GLB1: variants seen among roughly 807,000 people sequenced by gnomAD.
GLB1 encodes the protein beta-galactosidase.
A neutral mutation model predicts 74.0 loss-of-function variants in GLB1; 56 were observed. The observed-to-expected ratio is 0.76, with a 90% CI of 0.61 to 0.94. The LOEUF is 0.94. Among genes scored for constraint, GLB1 ranks in the 40% least tolerant of loss-of-function variants. GLB1 has a pLI of 0.00. For synonymous variants in GLB1, 323 were observed against 323.6 expected, an observed-to-expected ratio of 1.00 and a Z score of 0.02; for missense variants, 787 against 845.5, an observed-to-expected ratio of 0.93 and a Z score of 0.86.
chr3:33,017,640 T>C (rs942593443), intron 13 of GLB1, among the ~76,000 whole-genome samples: 2 of 152,242 alleles, frequency 1.3e-5, no homozygotes, highest in Non-Finnish European at 2.9e-5. Flanking sequence ...GAAATGCATC[T>C]GCTTTTGTTA....
intron 2 of GLB1, among the ~76,000 whole-genome samples, chr3:33,070,756 G>C (rs1012718710): frequency 1.3e-5 from 2 of 152,084 alleles, no homozygotes; most frequent in African/African-American, 2.4e-5. Context: ...GGCTGAGGTG[G>C]GAGGATCACC....
intron 13 of GLB1, among the ~76,000 whole-genome samples, 172 bp downstream of exon 13, chr3:33,018,276 A>C (rs532714594): frequency 1.7e-5 from 2 of 116,808 alleles, no homozygotes; most frequent in African/African-American, 6.7e-5. Context: ...ACAGAGCAAA[A>C]CCCTGTCTCA....
In GLB1 at chr3:32,997,040, C is replaced by T; in HGVS notation, c.*5G>A. On this transcript the variant is annotated 3_prime_UTR_variant, in exon 16 of 16. Coordinates refer to ENST00000307363, the MANE Select transcript of GLB1 (RefSeq NM_000404.4). ...AGAATCCCTCAAAGACACAGGCTTT[C>T]ATCATCATACATGGTCCAGCCATGA... 1 of 1,614,142 alleles carries T rather than the reference C, an allele frequency of 6.2e-7. No homozygotes were observed. Among genetic ancestry groups the T allele is most frequent in the Non-Finnish European group, 8.5e-7 (1 of 1,180,030 alleles).
intron 10 of GLB1, chr3:33,034,076 A>C: frequency 3.6e-6 from 2 of 557,440 alleles, no homozygotes; most frequent in Non-Finnish European, 3.5e-6. Context: ...CACATATGGC[A>C]ATATCCTGGC....
At chr3:33,096,747 G>A in intron 1 of GLB1, 2 of 1,306,400 alleles carry the variant, frequency 1.5e-6, no homozygotes, top group Non-Finnish European at 9.7e-7. Flanking sequence ...TACAGATGGG[G>A]AAGTGGATCC....
rs929129635 is a variant in GLB1, at chr3:33,014,315, A to G, written c.1480-5T>C. 3.7e-6 allele frequency: 6 copies of G among 1,613,536 alleles called. No homozygotes were observed. In the African/African-American group the frequency reaches 6.7e-5, roughly 18 times the overall value. On this transcript the variant is annotated splice_region_variant and splice_polypyrimidine_tract_variant and intron_variant, in intron 14 of 15. Coordinates refer to ENST00000307363, the MANE Select transcript of GLB1 (RefSeq NM_000404.4). ...AGTCAGGTTAGAAACCAAACCCTGC[A>G]AAGCAGAAACAGAGCACAGTGAGCT... is the stretch of plus-strand genomic sequence containing the variant.
the GLB1 span, among the ~76,000 whole-genome samples, chr3:32,990,698 G>A: frequency 6.6e-6 from 1 of 152,198 alleles, no homozygotes; most frequent in Non-Finnish European, 1.5e-5. Context: ...TTGCAGTCGG[G>A]CGCGGTGGCT....
chr3:33,065,238 T>C (rs952421655), intron 5 of GLB1, among the ~76,000 whole-genome samples: 26 of 152,166 alleles, frequency 1.7e-4, no homozygotes, highest in African/African-American at 5.1e-4. Context: ...GTTGGAAGAA[T>C]TGAATAGCAT....
At chr3:33,003,664 A>G (rs1696669087) in intron 15 of GLB1, among the ~76,000 whole-genome samples, 1 of 152,246 alleles carries the variant, frequency 6.6e-6, no homozygotes. Flanking sequence ...GGATGAAAGT[A>G]GGGTCCAATA....
the GLB1 span, among the ~76,000 whole-genome samples, chr3:32,982,515 A>C: frequency 3.1e-4 from 47 of 152,174 alleles, no homozygotes; most frequent in Middle Eastern, 3.4e-3. Flanking sequence ...AACAAAAAAA[A>C]CCACAAAGAC....
chr3:33,002,058 C>G (rs1414949145), intron 15 of GLB1, among the ~76,000 whole-genome samples: 1 of 151,194 alleles, frequency 6.6e-6, no homozygotes, highest in Non-Finnish European at 1.5e-5. Context: ...TTAATGAAGT[C>G]AGCCCCATGG....
At chr3:32,982,597 T>A in the GLB1 span, among the ~76,000 whole-genome samples, 1 of 152,192 alleles carries the variant, frequency 6.6e-6, no homozygotes. Context: ...TTACAAGTTG[T>A]AATTTATGCA....
the GLB1 span, among the ~76,000 whole-genome samples, chr3:32,977,132 G>A: frequency 6.6e-6 from 1 of 152,114 alleles, no homozygotes; most frequent in African/African-American, 2.4e-5. Context: ...TGTCTAGACT[G>A]AGGAAACCAT....
the GLB1 span, among the ~76,000 whole-genome samples, chr3:32,977,207 G>T: frequency 8.1e-6 from 1 of 122,718 alleles, no homozygotes; most frequent in African/African-American, 2.7e-5. Flanking sequence ...ACCTCATCTA[G>T]ATTTTTTTTT....
chr3:33,018,935 G>C (rs1697356938), intron 12 of GLB1, among the ~76,000 whole-genome samples: 1 of 152,104 alleles, frequency 6.6e-6, no homozygotes, highest in South Asian at 2.1e-4. Context: ...AAAAAAACAA[G>C]GCAAACAAAC....
the GLB1 span, among the ~76,000 whole-genome samples, chr3:32,985,572 GTTAGC>G: frequency 6.6e-6 from 1 of 152,098 alleles, no homozygotes; most frequent in Non-Finnish European, 1.5e-5. Context: ...GATTACAGGT[GTTAGC>G]TACTATGCCC....
intron 5 of GLB1, among the ~76,000 whole-genome samples, chr3:33,064,364 T>C (rs1375071270): frequency 7.1e-6 from 1 of 141,120 alleles, no homozygotes; most frequent in African/African-American, 2.7e-5. Context: ...CGCCTGAACC[T>C]GGGAGGCAGA....
At chr3:33,084,356 A>T (rs1255628457) in intron 1 of GLB1, among the ~76,000 whole-genome samples, 1 of 152,226 alleles carries the variant, frequency 6.6e-6, no homozygotes, top group Non-Finnish European at 1.5e-5. Context: ...CCCTGATTAC[A>T]TCAGAGCTAA....
At chr3:33,088,915 T>A (rs938291117) in intron 1 of GLB1, among the ~76,000 whole-genome samples, 1 of 152,128 alleles carries the variant, frequency 6.6e-6, no homozygotes, top group Non-Finnish European at 1.5e-5. Context: ...CAGAATAGCA[T>A]GGTAATGACA....
Sources: allele counts gnomAD v4.1 joint callset (sites outside exome capture counted in the v4.1 genomes callset), GRCh38; gene constraint gnomAD v4.1.1; transcripts MANE v1.5; gene names NCBI Gene and HGNC (gene_info 2026-07-23, HGNC 2026-07-21).